The following ADGRL3 variants were observed in gnomAD, a reference collection of about 807,000 sequenced individuals.
ADGRL3 encodes adhesion G protein-coupled receptor L3.
In ADGRL3, 62 loss-of-function variants were observed where a neutral mutation model predicts 153.5. That is an observed-to-expected ratio of 0.40 (90% confidence interval 0.33 to 0.50). The LOEUF is 0.50. ADGRL3 is among the 20% of genes least tolerant of loss of function. ADGRL3 has a pLI of 0.47. For missense variants in ADGRL3, 1,641 were observed against 1,859.4 expected (o/e 0.88, Z 2.16); for synonymous variants, 710 against 672.5 (o/e 1.06, Z -0.86).
chr4:61,383,642 A>G lies in ADGRL3; in HGVS notation c.-174+453A>G, dbSNP rs182813507. On this transcript the variant is annotated intron_variant, in intron 2 of 26. Transcript: ENST00000683033. The stretch of plus-strand genomic sequence containing the variant: ...TTTAATTCATTCAGTTTTCAATTAC[A>G]TAATTCATAATGTTGAATATAAATA... Among the ~76,000 whole-genome samples the G allele has an allele frequency of 7.7e-3, 1,164 of 151,972 alleles. 18 individuals carry two copies. Among genetic ancestry groups the G allele is most frequent in the African/African-American group, 0.025 (1,024 of 41,540 alleles).
intron 4 of ADGRL3, among the ~76,000 whole-genome samples, chr4:61,556,118 A>C (rs2098765245): frequency 6.6e-6 from 1 of 152,200 alleles, no homozygotes; most frequent in Admixed American, 6.5e-5. Context: ...CACGCCTCTG[A>C]CAGGAGCAGA....
Position 62,065,646 on chromosome 4 carries a change from G to A in ADGRL3, c.3815-2520G>A, listed in dbSNP as rs145610121. Among the ~76,000 whole-genome samples the A allele has an allele frequency of 6.6e-5, 10 of 151,920 alleles. No homozygotes were observed. In the East Asian group the frequency reaches 1.7e-3, roughly 26 times the overall value. On this transcript the variant is annotated intron_variant, in intron 25 of 26. Transcript: ENST00000683033. ...TTATTTTAAAACAAATAATAAATTT[G>A]GACCACATTTTGTTTAGCTTTTTTG...
intron 4 of ADGRL3, among the ~76,000 whole-genome samples, chr4:61,553,576 A>C (rs2098750359): frequency 6.6e-6 from 1 of 152,210 alleles, no homozygotes; most frequent in South Asian, 2.1e-4. Context: ...ACCCACATGC[A>C]CTTATTGATT....
At chr4:62,011,441 A>G (rs946964629) in intron 21 of ADGRL3, among the ~76,000 whole-genome samples, 7 of 152,014 alleles carry the variant, frequency 4.6e-5, no homozygotes, top group Non-Finnish European at 1.0e-4. Context: ...GGGTGTCTCT[A>G]TGTCTTAGAG....
At chr4:62,003,787 T>A (rs1166401620) in intron 21 of ADGRL3, among the ~76,000 whole-genome samples, 1 of 152,122 alleles carries the variant, frequency 6.6e-6, no homozygotes, top group Non-Finnish European at 1.5e-5. Flanking sequence ...CCTTTCTTTT[T>A]TTAAGCCAAA....
chr4:61,339,970 A>G (rs2095770563), intron 1 of ADGRL3, among the ~76,000 whole-genome samples: 1 of 152,180 alleles, frequency 6.6e-6, no homozygotes, highest in Non-Finnish European at 1.5e-5. Flanking sequence ...CTGAAAAACA[A>G]CATTATTGGG....
At position 61,582,642 on chromosome 4, in the gene ADGRL3, GAA is replaced by G. The variant is rs113336064; in HGVS notation, c.260-4575_260-4574del. 3.0e-4 allele frequency among the ~76,000 whole-genome samples: 44 copies of G among 144,796 alleles called. 1 individual carries two copies. The highest frequency in any genetic ancestry group is 1.1e-3 in the African/African-American group (43 of 39,824). 95.0% of individuals were successfully genotyped at this position (144,796 alleles called of 152,430 possible). On this transcript the variant is annotated intron_variant, in intron 4 of 26. Coordinates refer to ENST00000683033, the MANE Select transcript of ADGRL3 (RefSeq NM_001387552.1). ...TCGCTAAATATGTAGAGCAATGCAT[GAA>G]AAAAAAAAACAGATTTGACTAGGAC... is the stretch of plus-strand genomic sequence containing the variant.
rs1378387645 is a variant in ADGRL3, at chr4:61,383,115, T to G, written c.-239-9T>G. ...TAATCAAATTAAATATTTTTTTCTT[T>G]TTTTTCAGAAATGTTTAATTTGGTA... On this transcript the variant is annotated splice_polypyrimidine_tract_variant and intron_variant, in intron 1 of 26. Coordinates refer to ENST00000683033, the MANE Select transcript of ADGRL3 (RefSeq NM_001387552.1). 1 of 151,762 alleles carries G rather than the reference T, an allele frequency of 6.6e-6. No homozygotes were observed. The highest frequency in any genetic ancestry group is 2.4e-5 in the African/African-American group (1 of 41,400). 9.4% of individuals were successfully genotyped at this position (151,762 alleles called of 1,614,324 possible).
At chr4:61,671,163 A>G (rs966354328) in intron 5 of ADGRL3, among the ~76,000 whole-genome samples, 1 of 152,184 alleles carries the variant, frequency 6.6e-6, no homozygotes, top group African/African-American at 2.4e-5. Context: ...TGAATAGTCA[A>G]TATGCATGTA....
intron 2 of ADGRL3, among the ~76,000 whole-genome samples, chr4:61,471,239 A>G (rs966459313): frequency 6.6e-6 from 1 of 151,906 alleles, no homozygotes; most frequent in South Asian, 2.1e-4. Flanking sequence ...TTTTCCATGG[A>G]ACTATAAAGC....
intron 1 of ADGRL3, among the ~76,000 whole-genome samples, chr4:61,356,982 AT>A (rs201471399): frequency 1.9e-3 from 278 of 148,098 alleles, no homozygotes; most frequent in African/African-American, 6.2e-3. Context: ...ACAGTGCTTT[AT>A]TTTTTTTTTC....
intron 1 of ADGRL3, among the ~76,000 whole-genome samples, chr4:61,259,492 T>A (rs1431505691): frequency 6.6e-6 from 1 of 151,884 alleles, no homozygotes; most frequent in African/African-American, 2.4e-5. Flanking sequence ...TAATAGAAGA[T>A]CATTACTGCT....
intron 1 of ADGRL3, among the ~76,000 whole-genome samples, chr4:61,295,718 G>T (rs547608986): frequency 1.3e-5 from 2 of 151,896 alleles, no homozygotes; most frequent in Non-Finnish European, 2.9e-5. Flanking sequence ...CAGCATTTTG[G>T]GAGGCAGAGG....
intron 21 of ADGRL3, among the ~76,000 whole-genome samples, chr4:62,001,229 G>T (rs948274557): frequency 1.3e-5 from 2 of 152,102 alleles, no homozygotes; most frequent in African/African-American, 4.8e-5. Context: ...CCAGAGCAGT[G>T]GTAGAGCAAT....
intron 1 of ADGRL3, among the ~76,000 whole-genome samples, chr4:61,339,096 G>T (rs2095749082): frequency 6.6e-6 from 1 of 152,212 alleles, no homozygotes; most frequent in South Asian, 2.1e-4. Flanking sequence ...GAGTCAGATT[G>T]ACTCTAGAAG....
chr4:62,051,620 A>C (rs1734259251), intron 25 of ADGRL3, among the ~76,000 whole-genome samples: 1 of 151,762 alleles, frequency 6.6e-6, no homozygotes, highest in African/African-American at 2.4e-5. Context: ...CCAACTAAAC[A>C]ATAATAAACA....
intron 9 of ADGRL3, among the ~76,000 whole-genome samples, chr4:61,820,427 G>A (rs1194971672): frequency 6.6e-6 from 1 of 151,728 alleles, no homozygotes; most frequent in South Asian, 2.1e-4. Context: ...ATTAACTAGA[G>A]CTGCCACTAT....
At chr4:61,948,038 C>G in intron 16 of ADGRL3, 62 bp from the exon 17 acceptor site, 1 of 1,372,712 alleles carries the variant, frequency 7.3e-7, no homozygotes, top group African/African-American at 1.4e-5. Flanking sequence ...AAAGAAAATG[C>G]CAACCTAATT....
chr4:62,004,440 T>C (rs2099150922), intron 21 of ADGRL3, among the ~76,000 whole-genome samples: 1 of 151,986 alleles, frequency 6.6e-6, no homozygotes, highest in South Asian at 2.1e-4. Context: ...TTTAGAACTT[T>C]CTTATTCTCA....
Sources: allele counts gnomAD v4.1 joint callset (sites outside exome capture counted in the v4.1 genomes callset), GRCh38; gene constraint gnomAD v4.1.1; transcripts MANE v1.5; gene names NCBI Gene and HGNC (gene_info 2026-07-23, HGNC 2026-07-21).